The following CDH18 variants were observed in gnomAD, a reference collection of about 807,000 sequenced individuals.
The protein encoded by CDH18 is cadherin-18.
CDH18 carries 31 observed loss-of-function variants against 67.9 expected under a neutral mutation model. The observed-to-expected ratio is 0.46, with a 90% CI of 0.34 to 0.62. CDH18 has a LOEUF of 0.62. CDH18 is among the 20% of genes least tolerant of loss of function. CDH18 has a pLI of 0.01. For synonymous variants in CDH18, 362 were observed against 347.2 expected, an observed-to-expected ratio of 1.04 and a Z score of -0.48; for missense variants, 890 against 975.5, an observed-to-expected ratio of 0.91 and a Z score of 1.17.
At chr5:20,526,604 C>G (rs1297046164) in intron 1 of CDH18, among the ~76,000 whole-genome samples, 1 of 151,966 alleles carries the variant, frequency 6.6e-6, no homozygotes, top group African/African-American at 2.4e-5. Context: ...CTGGTGATAC[C>G]CAGGTAAACA....
At chr5:19,947,888 G>T (rs996891736) in intron 2 of CDH18, among the ~76,000 whole-genome samples, 1 of 152,022 alleles carries the variant, frequency 6.6e-6, no homozygotes, top group African/African-American at 2.4e-5. Flanking sequence ...TCAAACAAAA[G>T]GGTTTTATGT....
At chr5:20,403,162 A>G (rs986567266) in intron 1 of CDH18, among the ~76,000 whole-genome samples, 1 of 152,148 alleles carries the variant, frequency 6.6e-6, no homozygotes, top group Non-Finnish European at 1.5e-5. Context: ...TGTTTTACTA[A>G]TGTTCTTTCT....
intron 5 of CDH18, among the ~76,000 whole-genome samples, chr5:19,671,066 A>C (rs143689619): frequency 7.7e-4 from 118 of 152,264 alleles, no homozygotes; most frequent in African/African-American, 2.6e-3. Context: ...AGTAGTAAGC[A>C]CTTAGACACC....
intron 1 of CDH18, among the ~76,000 whole-genome samples, chr5:20,487,098 G>C (rs1190344920): frequency 2.0e-5 from 3 of 152,154 alleles, no homozygotes; most frequent in Admixed American, 2.0e-4. Context: ...TGCAAAGCCT[G>C]CAGTGTTTTC....
chr5:19,868,200 G>C (rs1257244609), intron 2 of CDH18, among the ~76,000 whole-genome samples: 1 of 152,106 alleles, frequency 6.6e-6, no homozygotes, highest in African/African-American at 2.4e-5. Flanking sequence ...ATTAGTATGT[G>C]TTAGAGGAAT....
At chr5:19,719,568 A>G (rs1172602382) in intron 5 of CDH18, among the ~76,000 whole-genome samples, 1 of 152,122 alleles carries the variant, frequency 6.6e-6, no homozygotes, top group African/African-American at 2.4e-5. Flanking sequence ...ATAAATATGT[A>G]CATTTTTGTG....
In CDH18 at chr5:19,875,808, T is replaced by C. The variant is rs1010436286; in HGVS notation, c.-256-36566A>G. Among the ~76,000 whole-genome samples the C allele has an allele frequency of 4.6e-5, 7 of 152,158 alleles. No individual in the cohort carries two copies. The East Asian group carries it at 1.2e-3, about 25-fold the overall frequency. ...AATATTGTAGCCAAATTATAGTTTATTAATTGTCATTGAAAAATAAAGAAT... is the reference window on the plus strand; with the variant it reads ...AATATTGTAGCCAAATTATAGTTTACTAATTGTCATTGAAAAATAAAGAAT... On this transcript the variant is annotated intron_variant, in intron 2 of 12. Transcript: ENST00000382275.
At chr5:19,860,014 G>GTGTGTGTGTT (rs1784721179) in intron 2 of CDH18, among the ~76,000 whole-genome samples, 1 of 151,670 alleles carries the variant, frequency 6.6e-6, no homozygotes, top group Non-Finnish European at 1.5e-5. Context: ...GTGTGTGTGT[G>GTGTGTGTGTT]TGTGTGTGTT....
rs141418708 is a variant in CDH18 at position 20,084,738 on chromosome 5, C to T, written c.-517-92724G>A. Among the ~76,000 whole-genome samples, 127 of 152,268 alleles carry T rather than the reference C, an allele frequency of 8.3e-4. 2 individuals are homozygous for T. Among genetic ancestry groups the T allele is most frequent in the East Asian group, 5.6e-3 (29 of 5,160 alleles). On this transcript the variant is annotated intron_variant, in intron 2 of 14. Coordinates refer to the CDH18 transcript ENST00000507958. Reference sequence around the variant, plus strand: ...CACAGATTCAACACCATGCTGGAACCGCCAAGCTTGAGGCTTGCATTCTCT... The same window carrying T: ...CACAGATTCAACACCATGCTGGAACTGCCAAGCTTGAGGCTTGCATTCTCT...
intron 2 of CDH18, among the ~76,000 whole-genome samples, chr5:20,046,847 A>G (rs921050580): frequency 1.3e-5 from 2 of 151,746 alleles, no homozygotes; most frequent in East Asian, 1.9e-4. Context: ...TGTTTACTCA[A>G]AAAAGGTTGG....
intron 2 of CDH18, among the ~76,000 whole-genome samples, chr5:20,197,471 G>C (rs894295294): frequency 6.6e-6 from 1 of 152,068 alleles, no homozygotes; most frequent in Non-Finnish European, 1.5e-5. Context: ...AGTGTTATAC[G>C]AATGCATGCA....
chr5:20,242,643 T>TATGTATATATACATAC (rs1743072969), intron 2 of CDH18, among the ~76,000 whole-genome samples: 2 of 138,422 alleles, frequency 1.4e-5, no homozygotes, highest in Non-Finnish European at 3.0e-5. Flanking sequence ...TGTATATATA[T>TATGTATATATACATAC]ATATATATGT....
chr5:19,810,588 T>A (rs1561348872), intron 3 of CDH18, among the ~76,000 whole-genome samples: 1 of 151,880 alleles, frequency 6.6e-6, no homozygotes, highest in Non-Finnish European at 1.5e-5. Context: ...AATCAATATA[T>A]TTGATTAAGT....
intron 5 of CDH18, among the ~76,000 whole-genome samples, chr5:19,702,779 C>G (rs1317745700): frequency 4.6e-5 from 7 of 152,024 alleles, no homozygotes; most frequent in Admixed American, 2.6e-4. Context: ...AAAATCTCTG[C>G]AGCACTGTGA....
chr5:20,526,877 G>T (rs946641643), intron 1 of CDH18, among the ~76,000 whole-genome samples: 1 of 152,038 alleles, frequency 6.6e-6, no homozygotes, highest in Non-Finnish European at 1.5e-5. Context: ...TCCTCCAAAT[G>T]ATTGCAACAC....
intron 2 of CDH18, among the ~76,000 whole-genome samples, chr5:20,176,011 C>T (rs1386773509): frequency 2.0e-5 from 3 of 152,082 alleles, no homozygotes; most frequent in African/African-American, 7.2e-5. Context: ...TATGTATTAC[C>T]TCAATTCCAG....
At chr5:19,934,382 G>C (rs2150209139) in intron 2 of CDH18, among the ~76,000 whole-genome samples, 1 of 151,070 alleles carries the variant, frequency 6.6e-6, no homozygotes, top group African/African-American at 2.4e-5. Context: ...CCTCTTTTAG[G>C]GATAATGACA....
At chr5:20,489,294 T>C (rs1265717807) in intron 1 of CDH18, among the ~76,000 whole-genome samples, 1 of 152,038 alleles carries the variant, frequency 6.6e-6, no homozygotes, top group African/African-American at 2.4e-5. Flanking sequence ...GGCAAACAAA[T>C]GATACCAGAC....
At chr5:20,189,637 CA>C (rs1738383176) in intron 2 of CDH18, among the ~76,000 whole-genome samples, 1 of 152,076 alleles carries the variant, frequency 6.6e-6, no homozygotes, top group Non-Finnish European at 1.5e-5. Flanking sequence ...GAACCAAGGT[CA>C]AAAAGCTAGC....
Sources: gnomAD v4.1 joint callset for allele counts (sites outside exome capture counted in the v4.1 genomes callset) on GRCh38, gnomAD v4.1.1 for gene constraint, MANE v1.5 for transcripts, NCBI Gene and HGNC (gene_info 2026-07-23, HGNC 2026-07-21) for gene names.